XIST: variants seen among roughly 807,000 people sequenced by gnomAD.
XIST encodes the protein X inactive specific transcript.
exon 1 of XIST, chrX:73,851,510 C>A (rs371886500): frequency 1.8e-6 from 1 of 558,977 alleles, no homozygotes; most frequent in East Asian, 3.2e-5. Context: ...GACAACCTAA[C>A]AAAGCACAGC....
At chrX:73,826,199 T>C (rs1261466614) in exon 6 of XIST, 2 of 559,409 alleles carry the variant, frequency 3.6e-6, no homozygotes, top group Non-Finnish European at 6.5e-6. Context: ...ATTCTTCTCA[T>C]TGGCCTGGAG....
At chrX:73,822,596 AT>A (rs749665925) in exon 6 of XIST, 14 of 509,625 alleles carry the variant, frequency 2.7e-5, no homozygotes, top group Admixed American at 5.4e-5. Context: ...TTTCGTCATG[AT>A]TTTTTTTGTT....
exon 6 of XIST, chrX:73,823,589 G>A: frequency 1.8e-6 from 1 of 558,103 alleles, no homozygotes; most frequent in Non-Finnish European, 3.2e-6. Context: ...CTTTACTTCT[G>A]TAGGCCAGGT....
chrX:73,836,816 A>T (rs1263407876), intron 2 of XIST, among the ~76,000 whole-genome samples: 1 of 111,477 alleles, frequency 9.0e-6, no homozygotes, highest in Non-Finnish European at 1.9e-5. Flanking sequence ...TAGTTCCAAA[A>T]ATAAGAAAGT....
chrX:73,828,123 T>A, intron 5 of XIST: 1 of 434,667 alleles, frequency 2.3e-6, no homozygotes, highest in Non-Finnish European at 4.0e-6. Flanking sequence ...TTAGTAATTA[T>A]AATAAACTAT....
chrX:73,824,196 T>C, exon 6 of XIST: 2 of 515,636 alleles, frequency 3.9e-6, no homozygotes, highest in South Asian at 4.9e-5. Flanking sequence ...GCATCCCCAA[T>C]GCCTAGCAAT....
chrX:73,829,336 G>C (rs45610036), intron 4 of XIST: 6,744 of 442,829 alleles, frequency 0.015, 55 homozygotes, highest in Non-Finnish European at 0.021. Context: ...TGTTTCCACA[G>C]AACTTTGAAA....
At chrX:73,828,908 G>A (rs1922321967) in intron 5 of XIST, 1 of 397,736 alleles carries the variant, frequency 2.5e-6, no homozygotes, top group African/African-American at 2.5e-5. Context: ...TTGCTTCAGT[G>A]AACCCAGTCA....
exon 6 of XIST, chrX:73,822,652 T>C (rs764779158): frequency 3.8e-6 from 2 of 525,878 alleles, no homozygotes; most frequent in Non-Finnish European, 6.8e-6. Context: ...CAGTCACTTC[T>C]GTTTGATGAA....
At chrX:73,849,874 G>C in exon 1 of XIST, 1 of 502,904 alleles carries the variant, frequency 2.0e-6, no homozygotes, top group Non-Finnish European at 3.5e-6. Flanking sequence ...CTGGGGCTGG[G>C]GCAGGGCTGG....
exon 1 of XIST, chrX:73,852,550 G>A (rs1233005007): frequency 3.9e-6 from 2 of 513,112 alleles, no homozygotes; most frequent in East Asian, 6.8e-5. Flanking sequence ...AAGACACTAG[G>A]AGAAAGTATA....
At chrX:73,842,650 G>A in exon 1 of XIST, 1 of 558,313 alleles carries the variant, frequency 1.8e-6, no homozygotes. Flanking sequence ...CACAGAAGGG[G>A]CTTTGGGTAG....
At chrX:73,837,456 A>T in exon 2 of XIST, 1 of 503,001 alleles carries the variant, frequency 2.0e-6, no homozygotes, top group Non-Finnish European at 3.6e-6. Flanking sequence ...GAGCCTAAGG[A>T]GACATGACTA....
exon 6 of XIST, chrX:73,826,949 C>T (rs368070372): frequency 1.3e-5 from 7 of 556,806 alleles, no homozygotes; most frequent in Admixed American, 8.9e-5. Context: ...CTCAGGCCTT[C>T]GGTCCAATTC....
exon 1 of XIST, chrX:73,851,181 C>G (rs1922930480): frequency 1.8e-6 from 1 of 558,208 alleles, no homozygotes; most frequent in Non-Finnish European, 3.2e-6. Flanking sequence ...TTCTCCCGCT[C>G]TGCGTGGCAC....
At chrX:73,843,876 G>C in exon 1 of XIST, 1 of 558,457 alleles carries the variant, frequency 1.8e-6, no homozygotes, top group East Asian at 3.2e-5. Flanking sequence ...GTACTACAAA[G>C]GAAAGGTGAT....
At chrX:73,829,515 G>A (rs746069309) in intron 4 of XIST, 22 of 186,799 alleles carry the variant, frequency 1.2e-4, no homozygotes, top group Non-Finnish European at 1.8e-4. Flanking sequence ...GAACTGCCGG[G>A]CGCGGTGGCT....
At chrX:73,845,317 G>A (rs1179313095) in exon 1 of XIST, 1 of 553,730 alleles carries the variant, frequency 1.8e-6, no homozygotes, top group East Asian at 3.3e-5. Context: ...AGGGGCCTTG[G>A]TGATCAGCAC....
chrX:73,849,494 CAG>C, exon 1 of XIST: 1 of 558,854 alleles, frequency 1.8e-6, no homozygotes, highest in Non-Finnish European at 3.2e-6. Context: ...GAAGCAATGA[CAG>C]AGAAATGGTT....
Sources: allele counts gnomAD v4.1 joint callset (sites outside exome capture counted in the v4.1 genomes callset), GRCh38; gene constraint gnomAD v4.1.1; transcripts MANE v1.5; gene names NCBI Gene and HGNC (gene_info 2026-07-23, HGNC 2026-07-21).